Variants in LY96 observed in about 807,000 individuals in gnomAD.
The protein encoded by LY96 is lymphocyte antigen 96, also known as myeloid differentiation protein-2.
A neutral mutation model predicts 18.9 loss-of-function variants in LY96; 18 were observed. The observed-to-expected ratio is 0.95, with a 90% CI of 0.66 to 1.41. LY96 has a LOEUF of 1.41. Among genes scored for constraint, LY96 ranks in the 40% most tolerant of loss-of-function variants. The probability of loss-of-function intolerance (pLI) is 0.00; values close to 1 mark genes in which losing one functional copy is unlikely to be tolerated. For missense variants in LY96, 175 were observed against 182.4 expected (o/e 0.96, Z 0.23); for synonymous variants, 66 against 62.6 (o/e 1.06, Z -0.26).
At chr8:74,054,684 G>T in the LY96 span, among the ~76,000 whole-genome samples, 1 of 73,730 alleles carries the variant, frequency 1.4e-5, no homozygotes. Flanking sequence ...TTTTATTTGA[G>T]ATGGGGTTTC....
chr8:74,077,971 G>A, the LY96 span, among the ~76,000 whole-genome samples: 1 of 152,068 alleles, frequency 6.6e-6, no homozygotes, highest in South Asian at 2.1e-4. Context: ...AGCTGAGTGT[G>A]GTGGCACATG....
chr8:74,026,792 C>A lies in LY96; in HGVS notation c.335C>A (p.Thr112Asn). The change falls in exon 4 of 5, where the codon ACT becomes AAT. Residue 112 changes from threonine to asparagine, a missense_variant. Coordinates refer to ENST00000284818, the MANE Select transcript of LY96 (RefSeq NM_015364.5). ...GTATTTTATATTTTGTTTGCAGAGA[C>A]TGTGAATACAACAATATCATTCTCC... ...YSFCRALKGE[T>N]VNTTISFSFK... 1 of 1,530,022 alleles carries A rather than the reference C, an allele frequency of 6.5e-7. No individual in the cohort carries two copies. Among genetic ancestry groups the A allele is most frequent in the Non-Finnish European group, 9.1e-7 (1 of 1,104,278 alleles). 94.8% of individuals were successfully genotyped at this position (1,530,022 alleles called of 1,614,324 possible). A position where few individuals can be genotyped will look rare whatever the true frequency, so the allele number is the denominator to read the frequency against.
In LY96 at chr8:74,010,049, C is replaced by G. The variant is rs199845476; in HGVS notation, c.251C>G (p.Thr84Ser). 3 of 1,609,246 alleles carry G rather than the reference C, an allele frequency of 1.9e-6. No individual in the cohort carries two copies. The highest frequency in any genetic ancestry group is 1.7e-5 in the Admixed American group (1 of 60,004). The change falls in exon 3 of 5, where the codon ACC (threonine) becomes AGC (serine). Residue 84 changes from threonine (T) to serine (S), a missense_variant. Thr to Ser is a moderately conservative substitution (Grantham distance 58). Transcript: ENST00000284818. ...TTCAATCTCTATATAACTGTCAACA[C>G]CATGAATCTTCCAAAGCGCAAAGAA... ...LYFNLYITVN[T>S]MNLPKRKEVI...
chr8:74,054,617 C>CTTCCTTCCTTCT, the LY96 span, among the ~76,000 whole-genome samples: 4 of 70,172 alleles, frequency 5.7e-5, no homozygotes, highest in East Asian at 4.6e-4. Context: ...TTTCCTTTTC[C>CTTCCTTCCTTCT]TTCTTTCTTT....
At chr8:74,096,322 T>A in the LY96 span, among the ~76,000 whole-genome samples, 1 of 152,032 alleles carries the variant, frequency 6.6e-6, no homozygotes, top group African/African-American at 2.4e-5. Flanking sequence ...CCCCAACCAT[T>A]CCCTCTCTGA....
intron 1 of LY96, among the ~76,000 whole-genome samples, chr8:73,992,716 A>T (rs1405464615): frequency 6.6e-6 from 1 of 152,080 alleles, no homozygotes. Flanking sequence ...CGTATGTCTA[A>T]AATCTCTCCA....
chr8:74,054,574 T>C, the LY96 span, among the ~76,000 whole-genome samples: 1 of 115,396 alleles, frequency 8.7e-6, no homozygotes, highest in African/African-American at 3.2e-5. Flanking sequence ...CTTCCCTCCC[T>C]CCCCCCTCCC....
chr8:74,004,930 G>A, intron 2 of LY96, 45 bp downstream of exon 2: 1 of 1,546,700 alleles, frequency 6.5e-7, no homozygotes, highest in Non-Finnish European at 8.9e-7. Flanking sequence ...AAGGAGTTAA[G>A]AAATATCAGT....
the LY96 span, among the ~76,000 whole-genome samples, chr8:74,076,327 C>T: frequency 6.9e-6 from 1 of 143,900 alleles, no homozygotes; most frequent in Admixed American, 6.9e-5. Flanking sequence ...AACCAAGACA[C>T]TTTTTTTTTT....
At chr8:74,029,190 A>G, downstream of LY96, 2 of 619,272 alleles carry the variant, frequency 3.2e-6, no homozygotes, top group Non-Finnish European at 5.7e-6. Context: ...TTATCCTCAC[A>G]GATCTCTAGG....
intron 1 of LY96, among the ~76,000 whole-genome samples, chr8:73,992,783 C>T (rs990071669): frequency 6.6e-6 from 1 of 151,874 alleles, no homozygotes; most frequent in Admixed American, 6.6e-5. Flanking sequence ...TCTACTTGGC[C>T]CCCACTTCCC....
intron 1 of LY96, among the ~76,000 whole-genome samples, chr8:74,002,070 CCTTCCTTTCTTTCTTTCTTT>C (rs1816300606): frequency 1.1e-4 from 2 of 18,464 alleles, no homozygotes; most frequent in African/African-American, 4.4e-4. Flanking sequence ...TTCCTTCCTT[CCTTCCTTTCTTTCTTTCTTT>C]CTTTCTCTCT....
chr8:74,010,986 T>G (rs1180089529), intron 3 of LY96, among the ~76,000 whole-genome samples: 1 of 152,192 alleles, frequency 6.6e-6, no homozygotes, highest in African/African-American at 2.4e-5. Context: ...TCTTCAAAGT[T>G]TCTCTTTCTT....
At position 74,002,006 on chromosome 8, in the gene LY96, TCTTCCTTCCTTCCTTCCTTCCTTC is replaced by T. The variant is rs1222416498; in HGVS notation, c.113-2742_113-2719del. ...TCCCTCCCTCCCTCCTTTCTTCCTTTCTTCCTTCCTTCCTTCCTTCCTTCCTTCCTTCCTTCCTTCCTTCCTTCC... is the reference window on the plus strand; with the variant it reads ...TCCCTCCCTCCCTCCTTTCTTCCTTTCTTCCTTCCTTCCTTCCTTCCTTCC... On this transcript the variant is annotated intron_variant, in intron 1 of 4. Transcript: ENST00000284818. 2.3e-3 allele frequency among the ~76,000 whole-genome samples: 56 copies of T among 24,130 alleles called. 8 individuals are homozygous for T. The highest frequency in any genetic ancestry group is 6.2e-3 in the African/African-American group (36 of 5,762). The allele number at this position is 24,130 out of a possible 152,430, so 15.8% of individuals were successfully genotyped here.
the LY96 span, among the ~76,000 whole-genome samples, chr8:74,057,067 G>C: frequency 6.6e-6 from 1 of 152,322 alleles, no homozygotes; most frequent in South Asian, 2.1e-4. Flanking sequence ...AAAAATGGCA[G>C]GGATCAAAAG....
chr8:74,078,386 G>T, the LY96 span, among the ~76,000 whole-genome samples: 1 of 152,134 alleles, frequency 6.6e-6, no homozygotes, highest in Admixed American at 6.6e-5. Context: ...ACTACTGAGA[G>T]CATTTTTGAG....
the LY96 span, among the ~76,000 whole-genome samples, chr8:74,068,481 G>A: frequency 6.6e-6 from 1 of 152,118 alleles, no homozygotes; most frequent in South Asian, 2.1e-4. Context: ...TAAATACCTA[G>A]GAGTAGAGCT....
Position 74,014,812 on chromosome 8 carries a change from TACACACACACAC to T in LY96, c.331+4707_331+4718del, listed in dbSNP as rs111566455. Among the ~76,000 whole-genome samples, 98 of 144,772 alleles carry T rather than the reference TACACACACACAC, an allele frequency of 6.8e-4. 2 individuals carry two copies. The highest frequency in any genetic ancestry group is 2.3e-3 in the African/African-American group (88 of 39,052). The allele number at this position is 144,772 out of a possible 152,430, so 95.0% of individuals were successfully genotyped here. A position where few individuals can be genotyped will look rare whatever the true frequency, so the allele number is the denominator to read the frequency against. On this transcript the variant is annotated intron_variant, in intron 3 of 4. Transcript: ENST00000284818. The stretch of plus-strand genomic sequence containing the variant: ...AAAGTTACCCATAATCTCACCAGTT[TACACACACACAC>T]ACACACACACACACACACACACATA...
At chr8:74,046,212 G>A in the LY96 span, among the ~76,000 whole-genome samples, 40 of 152,292 alleles carry the variant, frequency 2.6e-4, no homozygotes, top group African/African-American at 9.4e-4. Context: ...CCGGGAGGCA[G>A]AGGTTGCAGT....
Sources: allele counts gnomAD v4.1 joint callset (sites outside exome capture counted in the v4.1 genomes callset), GRCh38; gene constraint gnomAD v4.1.1; transcripts MANE v1.5; gene names NCBI Gene and HGNC (gene_info 2026-07-23, HGNC 2026-07-21).